The following STK32C variants were observed in gnomAD, a reference collection of about 807,000 sequenced individuals.
STK32C encodes serine/threonine-protein kinase 32C.
Under a neutral mutation model 56.5 loss-of-function variants are expected in STK32C, and 31 were observed. The observed-to-expected ratio is 0.55, with a 90% confidence interval of 0.41 to 0.74. STK32C has a LOEUF of 0.74. STK32C is among the 30% of genes least tolerant of loss of function. The pLI, the probability that STK32C is intolerant of heterozygous loss-of-function variation, is 0.00. For synonymous variants in STK32C, 309 were observed against 289.4 expected (o/e 1.07, Z -0.69); for missense variants, 544 against 676.9 (o/e 0.80, Z 2.18).
At chr10:132,295,717 C>T (rs936696660) in intron 1 of STK32C, among the ~76,000 whole-genome samples, 4 of 152,082 alleles carry the variant, frequency 2.6e-5, no homozygotes, top group African/African-American at 9.7e-5. Flanking sequence ...AACTCTGTCT[C>T]GACTAAAAAT....
At position 132,222,909 on chromosome 10, in the gene STK32C, C is replaced by T. The variant is rs369112180; in HGVS notation, c.1071G>A (p.Leu357=). ...VQAAPALAGV[L]WDHLSEKRVE... is the part of the protein sequence containing the mutation. ...CCCTCTTCTCGCTCAGGTGGTCCCA[C>T]AGCACGCCGGCCAGCGCCGGGGCTG... The change falls in exon 9 of 12, where the codon CTG becomes CTA. Residue 357 remains leucine (L), a synonymous_variant. Transcript: ENST00000298630. 2 of 1,566,566 alleles carry T rather than the reference C, an allele frequency of 1.3e-6. No homozygotes were observed. Among genetic ancestry groups the T allele is most frequent in the African/African-American group, 2.7e-5 (2 of 73,674 alleles).
chr10:132,240,601 C>A (rs1265756520), intron 2 of STK32C, among the ~76,000 whole-genome samples: 1 of 152,072 alleles, frequency 6.6e-6, no homozygotes, highest in Non-Finnish European at 1.5e-5. Flanking sequence ...GGCGGTTCCT[C>A]GGGGTGGGTG....
intron 1 of STK32C, among the ~76,000 whole-genome samples, chr10:132,260,550 G>A (rs1315737071): frequency 2.0e-5 from 3 of 152,206 alleles, no homozygotes; most frequent in Admixed American, 6.5e-5. Flanking sequence ...GGTGTTGCAG[G>A]GGGCTGCTTC....
At chr10:132,209,339 G>A in intron 10 of STK32C, 1 of 708,810 alleles carries the variant, frequency 1.4e-6, no homozygotes, top group South Asian at 1.5e-5. Context: ...CCTCTGGGTG[G>A]ATGGCTTGGA....
chr10:132,256,195 G>T (rs1470829148), intron 1 of STK32C, among the ~76,000 whole-genome samples: 1 of 152,228 alleles, frequency 6.6e-6, no homozygotes, highest in East Asian at 1.9e-4. Context: ...GCTGAGTCCT[G>T]TGGGGCCCCT....
intron 8 of STK32C, 40 bp downstream of exon 8, chr10:132,224,367 G>A: frequency 6.9e-7 from 1 of 1,443,710 alleles, no homozygotes; most frequent in Non-Finnish European, 9.5e-7. Flanking sequence ...GAGGGAGGTG[G>A]GTGCTCGGAG....
chr10:132,258,572 C>T (rs370513470), intron 1 of STK32C, among the ~76,000 whole-genome samples: 2 of 152,240 alleles, frequency 1.3e-5, no homozygotes, highest in Non-Finnish European at 2.9e-5. Flanking sequence ...GCTGGGCCAG[C>T]GCGCAGGCCT....
rs574823228 is a variant in STK32C, at chr10:132,244,223, C to T, written c.318+1677G>A. Among the ~76,000 whole-genome samples, 27 of 152,176 alleles carry T rather than the reference C, an allele frequency of 1.8e-4. 1 individual carries two copies. The highest frequency in any genetic ancestry group is 3.2e-3 in the Middle Eastern group (1 of 316). On this transcript the variant is annotated intron_variant, in intron 2 of 11. Transcript: ENST00000298630. ...CTGATGAGGAGGCCTAACTGTGAGC[C>T]GGAAGGAACCCTCCAGGTGCACGAC... is the stretch of plus-strand genomic sequence containing the variant.
At position 132,237,635 on chromosome 10, in the gene STK32C, A is replaced by G. The variant is rs976089981; in HGVS notation, c.318+8265T>C. On this transcript the variant is annotated intron_variant, in intron 2 of 11. Coordinates refer to ENST00000298630, the MANE Select transcript of STK32C (RefSeq NM_173575.4). ...AAAGCAGAGGGCGAGGCACAGAGGAACCTGAGTGTGCCGGCGGGGCTGGCC... is the reference window on the plus strand; with the variant it reads ...AAAGCAGAGGGCGAGGCACAGAGGAGCCTGAGTGTGCCGGCGGGGCTGGCC... 6.6e-5 allele frequency among the ~76,000 whole-genome samples: 10 copies of G among 152,184 alleles called. No individual in the cohort carries two copies. In the East Asian group the frequency reaches 1.5e-3, roughly 23 times the overall value.
intron 1 of STK32C, among the ~76,000 whole-genome samples, chr10:132,296,857 C>T (rs566350638): frequency 2.0e-5 from 3 of 152,332 alleles, no homozygotes; most frequent in Admixed American, 1.3e-4. Flanking sequence ...AGGCAGGACT[C>T]GCAGGCCCGC....
At position 132,222,755 on chromosome 10, in the gene STK32C, G is replaced by A. The variant is rs770083754; in HGVS notation, c.1137C>T (p.Cys379=). The change falls in exon 10 of 12, where the codon TGC becomes TGT. Residue 379 remains cysteine (C), a synonymous_variant. Transcript: ENST00000298630. ...TCTCCTCCAGCTCAAAGGTGGGGTC[G>A]CAGTGCAGACGGCCTTTCTACAGAG... ...GFVPNKGRLH[C]DPTFELEEMI... is the part of the protein sequence containing the mutation. The A allele has an allele frequency of 4.5e-5, 72 of 1,605,330 alleles. No individual in the cohort carries two copies. The highest frequency in any genetic ancestry group is 5.6e-5 in the Non-Finnish European group (66 of 1,176,312).
chr10:132,225,321 T>A lies in STK32C; in HGVS notation c.788A>T (p.His263Leu). 1 of 1,610,854 alleles carries A rather than the reference T, an allele frequency of 6.2e-7. No homozygotes were observed. The highest frequency in any genetic ancestry group is 8.5e-7 in the Non-Finnish European group (1 of 1,178,948). The change falls in exon 7 of 12, where the codon CAC becomes CTC. Residue 263 changes from histidine to leucine, a missense_variant. Physicochemically the swap from His to Leu is moderately conservative, Grantham distance 99. Around this residue, in one of 3 missense-constraint regions of STK32C, gnomAD observed 277 missense variants for 309.3 expected, o/e 0.90. Transcript: ENST00000298630. ...GCCGGTCCCGCCGTTGACAAAAGAGTGGAAGATCTCCGGAGCTTTCCGACA... is the reference window on the plus strand; with the variant it reads ...GCCGGTCCCGCCGTTGACAAAAGAGAGGAAGATCTCCGGAGCTTTCCGACA... ...TKPYMAPEIF[H>L]SFVNGGTGYS...
upstream of STK32C, chr10:132,332,160 C>G (rs2066800856): frequency 6.1e-6 from 1 of 164,992 alleles, no homozygotes; most frequent in African/African-American, 2.4e-5. Flanking sequence ...GTACCGGCGT[C>G]TCCATGGCGA....
At chr10:132,301,181 C>T (rs1238175400) in intron 1 of STK32C, among the ~76,000 whole-genome samples, 2 of 151,910 alleles carry the variant, frequency 1.3e-5, no homozygotes, top group African/African-American at 4.8e-5. Context: ...AGAATCAGCT[C>T]TGAGCTTCCC....
At chr10:132,242,459 G>A (rs1288381614) in intron 2 of STK32C, among the ~76,000 whole-genome samples, 2 of 152,112 alleles carry the variant, frequency 1.3e-5, no homozygotes, top group Non-Finnish European at 2.9e-5. Flanking sequence ...CCCCTCATCT[G>A]CCTAAAGACA....
Position 132,269,956 on chromosome 10 carries a change from C to T in STK32C, c.263-24001G>A, listed in dbSNP as rs551191925. The stretch of plus-strand genomic sequence containing the variant: ...CCTGAGCCAGGCCCCCTGTCCTCCA[C>T]GCCTGACGACCTGAGCCCTCCCCTG... On this transcript the variant is annotated intron_variant, in intron 1 of 11. Transcript: ENST00000298630. Among the ~76,000 whole-genome samples, 604 of 152,362 alleles carry T rather than the reference C, an allele frequency of 4.0e-3. 5 individuals are homozygous for T. Among genetic ancestry groups the T allele is most frequent in the African/African-American group, 0.014 (565 of 41,592 alleles).
chr10:132,292,393 C>G (rs776792295), intron 1 of STK32C, among the ~76,000 whole-genome samples: 1 of 152,200 alleles, frequency 6.6e-6, no homozygotes, highest in Non-Finnish European at 1.5e-5. Flanking sequence ...TATTGATACC[C>G]ACACTCTCTC....
chr10:132,222,712 G>A lies in STK32C; in HGVS notation c.1180C>T (p.Pro394Ser). 6.2e-7 allele frequency: 1 copy of A among 1,611,908 alleles called. No individual in the cohort carries two copies. Among genetic ancestry groups the A allele is most frequent in the Non-Finnish European group, 8.5e-7 (1 of 1,179,338 alleles). Reference sequence around the variant, plus strand: ...AGACGCTTCTTCTTCTTGTGCAGGGGCCTGGACTCCAGGATCATCTCCTCC... The same window carrying A: ...AGACGCTTCTTCTTCTTGTGCAGGGACCTGGACTCCAGGATCATCTCCTCC... ...ELEEMILESR[P>S]LHKKKKRLAK... The change falls in exon 10 of 12, where the codon CCC becomes TCC. Residue 394 changes from proline to serine, a missense_variant. Physicochemically the swap from Pro to Ser is moderately conservative, Grantham distance 74. Coordinates refer to ENST00000298630, the MANE Select transcript of STK32C (RefSeq NM_173575.4).
At chr10:132,312,233 T>C (rs1289090299), upstream of STK32C, among the ~76,000 whole-genome samples, 4 of 152,110 alleles carry the variant, frequency 2.6e-5, no homozygotes, top group African/African-American at 7.2e-5. Context: ...GATCTCAAAC[T>C]TTGGGGCTCA....
Sources: allele counts gnomAD v4.1 joint callset (sites outside exome capture counted in the v4.1 genomes callset), GRCh38; gene constraint gnomAD v4.1.1; regional missense constraint gnomAD v4.1.1; transcripts MANE v1.5; gene names NCBI Gene and HGNC (gene_info 2026-07-23, HGNC 2026-07-21).